Variants in HEATR1 observed in about 807,000 individuals in gnomAD.
HEATR1 encodes HEAT repeat-containing protein 1.
HEATR1 carries 77 observed loss-of-function variants against 248.2 expected under a neutral mutation model. The observed-to-expected ratio is 0.31, with a 90% CI of 0.26 to 0.37. The LOEUF is 0.37. Ranked by LOEUF, HEATR1 falls within the 10% of genes least tolerant of loss-of-function variation. HEATR1 has a pLI of 1.00. For synonymous variants in HEATR1, 897 were observed against 923.1 expected (o/e 0.97, Z 0.51); for missense variants, 2,420 against 2,504.9 (o/e 0.97, Z 0.72).
intron 5 of HEATR1, among the ~76,000 whole-genome samples, 163 bp from the exon 6 acceptor site, chr1:236,597,139 G>A (rs1279198037): frequency 3.8e-5 from 5 of 132,842 alleles, no homozygotes; most frequent in Non-Finnish European, 6.8e-5. Flanking sequence ...AAAAAAAAAA[G>A]TGAAAGGCCA....
At position 236,555,381 on chromosome 1, in the gene HEATR1, C is replaced by A; in HGVS notation, c.5838G>T (p.Lys1946Asn). The A allele has an allele frequency of 1.9e-6, 3 of 1,614,232 alleles. No homozygotes were observed. Among genetic ancestry groups the A allele is most frequent in the African/African-American group, 1.3e-5 (1 of 75,056 alleles). Residue 1946 changes from lysine (K) to asparagine (N), a missense_variant, in exon 41 of 45, where the codon AAG (lysine) becomes AAT (asparagine). Physicochemically the swap from Lys to Asn is moderately conservative, Grantham distance 94 (BLOSUM62 0). Coordinates refer to ENST00000366582, the MANE Select transcript of HEATR1 (RefSeq NM_018072.6). ...FYNLADCIAE[K>N]LKGLFTLFAG... Reference sequence around the variant, plus strand: ...CAAACAGAGTAAAAAGCCCTTTCAGCTTTTCAGCAATGCAATCTGCCAAGT... The same window carrying A: ...CAAACAGAGTAAAAAGCCCTTTCAGATTTTCAGCAATGCAATCTGCCAAGT...
intron 20 of HEATR1, 127 bp downstream of exon 20, chr1:236,581,095 G>C (rs1408395592): frequency 1.4e-6 from 1 of 707,304 alleles, no homozygotes; most frequent in Non-Finnish European, 2.3e-6. Flanking sequence ...TGGGATTACA[G>C]GCGTGAGATA....
At chr1:236,599,462 T>G (rs754275523) in intron 4 of HEATR1, 21 bp downstream of exon 4, 4 of 1,604,388 alleles carry the variant, frequency 2.5e-6, no homozygotes, top group Non-Finnish European at 3.4e-6. Context: ...ATTACAGACA[T>G]ATGTCATTCA....
intron 12 of HEATR1, among the ~76,000 whole-genome samples, chr1:236,590,215 G>C (rs16834009): frequency 0.029 from 4,467 of 151,870 alleles, 229 homozygotes; most frequent in East Asian, 0.24. Flanking sequence ...CTAAAATTAA[G>C]ACTATCAAAA....
chr1:236,589,146 A>G (rs1038954568), intron 12 of HEATR1, among the ~76,000 whole-genome samples: 1 of 152,218 alleles, frequency 6.6e-6, no homozygotes. Context: ...CCAAACCCAG[A>G]GAACAGGAGA....
In HEATR1 at chr1:236,550,618, C is replaced by A. The variant is rs1021075581; in HGVS notation, c.*284G>T. 2 of 333,294 alleles carry A rather than the reference C, an allele frequency of 6.0e-6. No homozygotes were observed. Among genetic ancestry groups the A allele is most frequent in the Non-Finnish European group, 1.1e-5 (2 of 184,430 alleles). 20.6% of individuals were successfully genotyped at this position (333,294 alleles called of 1,614,324 possible). ...AAAATTAACAAGTCTAATATTATTA[C>A]CATCAATCAGGAAGAGAATAATAAA... is the stretch of plus-strand genomic sequence containing the variant. On this transcript the variant is annotated 3_prime_UTR_variant, in exon 45 of 45. Transcript: ENST00000366582.
At chr1:236,593,873 G>A in intron 9 of HEATR1, 139 bp downstream of exon 9, 3 of 599,128 alleles carry the variant, frequency 5.0e-6, no homozygotes, top group East Asian at 3.1e-5. Context: ...ACTGGATTAA[G>A]TACTTATAGT....
In HEATR1 at chr1:236,569,158, T is replaced by G. The variant is rs777449580; in HGVS notation, c.3949-34A>C. 7 of 1,517,730 alleles carry G rather than the reference T, an allele frequency of 4.6e-6. No individual in the cohort carries two copies. In the African/African-American group the frequency reaches 8.5e-5, roughly 19 times the overall value. The allele number at this position is 1,517,730 out of a possible 1,614,324, so 94.0% of individuals were successfully genotyped here. ...AAACACAACTATCAACATTTTTTAT[T>G]TCTGTTAATTTCTACTAATTTTTTT... On this transcript the variant is annotated intron_variant, in intron 28 of 44. Coordinates refer to ENST00000366582, the MANE Select transcript of HEATR1 (RefSeq NM_018072.6).
intron 22 of HEATR1, 146 bp downstream of exon 22, chr1:236,576,073 C>G: frequency 1.7e-5 from 9 of 514,826 alleles, no homozygotes; most frequent in Non-Finnish European, 2.6e-5. Context: ...TCTACCTCAA[C>G]TCATCCCCCT....
In HEATR1 at chr1:236,583,004, G is replaced by T. The variant is rs759448779; in HGVS notation, c.2425+9C>A. On this transcript the variant is annotated intron_variant, in intron 18 of 44. Coordinates refer to ENST00000366582, the MANE Select transcript of HEATR1 (RefSeq NM_018072.6). ...ATCACATTTAAAAGATTCACAGCTT[G>T]TATCTTACCTTTAGGAAAAGATTTA... The T allele has an allele frequency of 1.2e-6, 2 of 1,612,762 alleles. No homozygotes were observed. Among genetic ancestry groups the T allele is most frequent in the South Asian group, 2.2e-5 (2 of 91,018 alleles).
chr1:236,555,171 C>T (rs910918576), intron 41 of HEATR1, 125 bp downstream of exon 41: 19 of 954,434 alleles, frequency 2.0e-5, no homozygotes, highest in Non-Finnish European at 2.7e-5. Context: ...AAAAAATTCA[C>T]CCTCCTTAGC....
At chr1:236,552,932 G>A (rs1484886944) in intron 43 of HEATR1, 1 of 152,180 alleles carries the variant, frequency 6.6e-6, no homozygotes, top group African/African-American at 2.4e-5. Context: ...TAGTCTCATT[G>A]TTAGCATATC....
chr1:236,591,877 A>C (rs771467468), intron 11 of HEATR1, 116 bp downstream of exon 11: 3 of 605,136 alleles, frequency 5.0e-6, no homozygotes, highest in Non-Finnish European at 6.0e-6. Flanking sequence ...GTAGAAGGTT[A>C]TCTCTGTAAA....
chr1:236,558,497 A>G lies in HEATR1; in HGVS notation c.4944T>C (p.Leu1648=), dbSNP rs1405568596. The G allele has an allele frequency of 5.6e-6, 9 of 1,613,892 alleles. No individual in the cohort carries two copies. The African/African-American group carries it at 6.7e-5, about 12-fold the overall frequency. The change falls in exon 36 of 45, where the codon CTT becomes CTC. Residue 1648 remains leucine (L), a synonymous_variant. Transcript: ENST00000366582. ...VTRFLKLVPD[L]LAIVQRKKKE... ...TTTTCTTACGCTGCACAATGGCCAAAAGGTCTGGAACCAGTTTTAGGAAAC... is the reference window on the plus strand; with the variant it reads ...TTTTCTTACGCTGCACAATGGCCAAGAGGTCTGGAACCAGTTTTAGGAAAC...
chr1:236,564,411 A>G, intron 32 of HEATR1, 87 bp downstream of exon 32: 1 of 1,187,680 alleles, frequency 8.4e-7, no homozygotes, highest in East Asian at 2.4e-5. Flanking sequence ...TTCATGAGCC[A>G]TTTACCAAGC....
In HEATR1 at chr1:236,550,773, A is replaced by G; in HGVS notation, c.*129T>C. 2 of 685,362 alleles carry G rather than the reference A, an allele frequency of 2.9e-6. No individual in the cohort carries two copies. Among genetic ancestry groups the G allele is most frequent in the South Asian group, 2.1e-5 (1 of 47,718 alleles). 42.5% of individuals were successfully genotyped at this position (685,362 alleles called of 1,614,324 possible). ...GGTGGGGATTTTGTAAAGAAGTGAT[A>G]AAACATTTGTAAGTAATCCAAGTAG... On this transcript the variant is annotated 3_prime_UTR_variant, in exon 45 of 45. Coordinates refer to ENST00000366582, the MANE Select transcript of HEATR1 (RefSeq NM_018072.6).
intron 12 of HEATR1, among the ~76,000 whole-genome samples, chr1:236,589,051 T>C (rs751067696): frequency 3.9e-5 from 6 of 152,176 alleles, no homozygotes; most frequent in Non-Finnish European, 8.8e-5. Flanking sequence ...AAACATGGTA[T>C]GCAAAGGAGG....
chr1:236,600,965 C>T (rs941899368), intron 3 of HEATR1, among the ~76,000 whole-genome samples: 1 of 152,168 alleles, frequency 6.6e-6, no homozygotes, highest in Non-Finnish European at 1.5e-5. Context: ...CAGTAATCAA[C>T]GGCAACCTAC....
At chr1:236,574,546 A>C in intron 23 of HEATR1, 115 bp downstream of exon 23, 1 of 1,348,910 alleles carries the variant, frequency 7.4e-7, no homozygotes, top group Non-Finnish European at 1.0e-6. Context: ...GTCCACCTGT[A>C]ACTATCTTCT....
Sources: allele counts gnomAD v4.1 joint callset (sites outside exome capture counted in the v4.1 genomes callset), GRCh38; gene constraint gnomAD v4.1.1; transcripts MANE v1.5; gene names NCBI Gene and HGNC (gene_info 2026-07-23, HGNC 2026-07-21).